RBM33: variants seen among roughly 807,000 people sequenced by gnomAD.
RBM33 encodes RNA-binding protein 33.
RBM33 carries 28 observed loss-of-function variants against 132.6 expected under a neutral mutation model. That is an observed-to-expected ratio of 0.21 (90% CI 0.16 to 0.29). The LOEUF is 0.29. Ranked by LOEUF, RBM33 falls within the 10% of genes least tolerant of loss-of-function variation. The pLI is 1.00. For missense variants in RBM33, 1,291 were observed against 1,518.5 expected (o/e 0.85, Z 2.49); for synonymous variants, 634 against 593.0 (o/e 1.07, Z -1.01).
intron 1 of RBM33, among the ~76,000 whole-genome samples, chr7:155,648,923 G>A (rs1398723283): frequency 4.6e-5 from 7 of 152,148 alleles, no homozygotes; most frequent in Middle Eastern, 3.2e-3. Context: ...CTCTCTTGGT[G>A]TATTCAAGAT....
chr7:155,763,905 A>G lies in RBM33; in HGVS notation c.3073A>G (p.Thr1025Ala), dbSNP rs2117068516. Residue 1025 changes from threonine to alanine, a missense_variant, in exon 15 of 18, where the codon ACG becomes GCG. By Grantham distance (58) the Thr-to-Ala change is moderately conservative (BLOSUM62 0). Coordinates refer to ENST00000401878, the MANE Select transcript of RBM33 (RefSeq NM_053043.3). ...GGGACCACAGCCTGCCCGCAAGGTG[A>G]CGCTGACCAGGGGGGGCCTCCAGCA... is the stretch of plus-strand genomic sequence containing the variant. Reference protein sequence around the residue: ...EVGPQPARKVTLTRGGLQQPP... With the variant: ...EVGPQPARKVALTRGGLQQPP... 1 of 1,609,616 alleles carries G rather than the reference A, an allele frequency of 6.2e-7. No individual in the cohort carries two copies. Among genetic ancestry groups the G allele is most frequent in the African/African-American group, 1.3e-5 (1 of 74,978 alleles).
chr7:155,767,858 G>A (rs4716552), intron 16 of RBM33, among the ~76,000 whole-genome samples: 50,354 of 152,126 alleles, frequency 0.33, 11,215 homozygotes, highest in African/African-American at 0.63. Context: ...GCAGGAACAC[G>A]GTAGACACTA....
rs1799431066 is a variant in RBM33 at position 155,684,915 on chromosome 7, C to T, written c.567+4007C>T. 8 of 1,545,606 alleles carry T rather than the reference C, an allele frequency of 5.2e-6. No individual in the cohort carries two copies. The East Asian group carries it at 1.2e-4, about 24-fold the overall frequency. ...AAGCTGTATGAGAAAAACTTGTTTT[C>T]TCTTTAATGGCTGTTAGGATGAAGA... On this transcript the variant is annotated intron_variant, in intron 5 of 17. Coordinates refer to ENST00000401878, the MANE Select transcript of RBM33 (RefSeq NM_053043.3).
chr7:155,738,622 G>GA, intron 11 of RBM33: 1 of 563,342 alleles, frequency 1.8e-6, no homozygotes, highest in South Asian at 2.4e-5. Context: ...TTTGGGAATT[G>GA]AAAAATGCTA....
intron 14 of RBM33, among the ~76,000 whole-genome samples, chr7:155,756,791 G>A (rs921831273): frequency 2.6e-5 from 4 of 152,132 alleles, no homozygotes; most frequent in African/African-American, 7.2e-5. Context: ...GGGCAGAAAC[G>A]TCACCAGCAG....
rs1799271318 is a variant in RBM33, at chr7:155,679,229, G to A, written c.248+545G>A. On this transcript the variant is annotated intron_variant, in intron 4 of 17. Transcript: ENST00000401878. ...AGGTCTTTCATTTAATGATCCCTGT[G>A]AGTTCTGTTCAGTGCAGGTTATGAA... Among the ~76,000 whole-genome samples, 2 of 152,110 alleles carry A rather than the reference G, an allele frequency of 1.3e-5. 1 individual carries two copies. Among genetic ancestry groups the A allele is most frequent in the South Asian group, 4.1e-4 (2 of 4,824 alleles).
In RBM33 at chr7:155,739,814, C is replaced by A; in HGVS notation, c.1837C>A (p.His613Asn). Residue 613 changes from histidine (H) to asparagine (N), a missense_variant, in exon 12 of 18, where the codon CAC becomes AAC. By Grantham distance (68) the His-to-Asn change is moderately conservative. Transcript: ENST00000401878. ...GCACCAGCCTCCGCACCAGCCCCCG[C>A]ACCAGCCCCCGCCCCAGCACCAGCC... The part of the protein sequence containing the change: ...PQHQPPHQPP[H>N]QPPPQHQPPP... 1 of 1,273,712 alleles carries A rather than the reference C, an allele frequency of 7.9e-7. No individual in the cohort carries two copies. The highest frequency in any genetic ancestry group is 1.1e-6 in the Non-Finnish European group (1 of 918,320). 78.9% of individuals were successfully genotyped at this position (1,273,712 alleles called of 1,614,324 possible).
chr7:155,716,332 T>TTTTTTTTTTTTTTTTTTTTTA (rs1554477955), intron 8 of RBM33, among the ~76,000 whole-genome samples: 1 of 149,938 alleles, frequency 6.7e-6, no homozygotes, highest in Non-Finnish European at 1.5e-5. Flanking sequence ...TTTTTTTTTT[T>TTTTTTTTTTTTTTTTTTTTTA]AAATAGGGAA....
intron 14 of RBM33, among the ~76,000 whole-genome samples, chr7:155,753,725 C>G (rs933335030): frequency 6.6e-6 from 1 of 152,170 alleles, no homozygotes; most frequent in East Asian, 1.9e-4. Context: ...GAGGTGGGGG[C>G]CACGAGAGAT....
In RBM33 at chr7:155,705,593, G is replaced by A. The variant is rs779157528; in HGVS notation, c.740-1267G>A. Among the ~76,000 whole-genome samples, 15 of 152,338 alleles carry A rather than the reference G, an allele frequency of 9.8e-5. No homozygotes were observed. In the Middle Eastern group the frequency reaches 0.01, roughly 104 times the overall value. ...GGTAGACTCTGGTAATATTGAAAGC[G>A]TACCCTTGGCTGGGGAAGAAGGCAG... On this transcript the variant is annotated intron_variant, in intron 6 of 17. Coordinates refer to ENST00000401878, the MANE Select transcript of RBM33 (RefSeq NM_053043.3).
chr7:155,758,059 G>T lies in RBM33; in HGVS notation c.2980-5753G>T, dbSNP rs148402926. ...GGGGATACATTTCAACAGAAGATTT[G>T]GGGAGGGACAAAATACCAAAACTCC... is the stretch of plus-strand genomic sequence containing the variant. On this transcript the variant is annotated intron_variant, in intron 14 of 17. Coordinates refer to ENST00000401878, the MANE Select transcript of RBM33 (RefSeq NM_053043.3). Among the ~76,000 whole-genome samples the T allele has an allele frequency of 9.2e-3, 1,399 of 152,266 alleles. 15 individuals are homozygous for T. Among genetic ancestry groups the T allele is most frequent in the African/African-American group, 0.032 (1,316 of 41,536 alleles).
chr7:155,716,316 G>GTGTTT (rs550734927), intron 8 of RBM33, among the ~76,000 whole-genome samples: 1 of 102,384 alleles, frequency 9.8e-6, no homozygotes, highest in African/African-American at 3.9e-5. Flanking sequence ...CTTTTCTGCT[G>GTGTTT]TTTTTTTTTT....
Position 155,774,173 on chromosome 7 carries a change from T to G in RBM33, c.3376-386T>G, listed in dbSNP as rs1802529860. Among the ~76,000 whole-genome samples the G allele has an allele frequency of 6.6e-6, 1 of 152,200 alleles. No individual in the cohort carries two copies. Among genetic ancestry groups the G allele is most frequent in the Admixed American group, 6.5e-5 (1 of 15,290 alleles). ...CCTCTGGTGTGATGAGTCCTGTTCT[T>G]AAAAAATTCATGGGGGTCCCTATTA... is the stretch of plus-strand genomic sequence containing the variant. On this transcript the variant is annotated intron_variant, in intron 16 of 17. Coordinates refer to ENST00000401878, the MANE Select transcript of RBM33 (RefSeq NM_053043.3). The surrounding 1 kb of genome is among the most constrained non-coding windows in gnomAD (Gnocchi z 4.2).
chr7:155,707,900 T>A (rs904926814), intron 7 of RBM33, among the ~76,000 whole-genome samples: 1 of 152,212 alleles, frequency 6.6e-6, no homozygotes, highest in African/African-American at 2.4e-5. Flanking sequence ...CCTCAAGTGA[T>A]CCATCTGCCT....
intron 3 of RBM33, 28 bp from the exon 4 acceptor site, chr7:155,678,580 C>A: frequency 1.5e-6 from 2 of 1,316,112 alleles, no homozygotes; most frequent in Non-Finnish European, 2.1e-6. Context: ...AAGTGACACA[C>A]ATTAATTATA....
chr7:155,665,083 G>T, intron 1 of RBM33, 92 bp from the exon 2 acceptor site: 1 of 977,918 alleles, frequency 1.0e-6, no homozygotes, highest in Non-Finnish European at 1.6e-6. Flanking sequence ...GTCAAGTCAG[G>T]AATCCTTAAA....
chr7:155,745,250 T>C lies in RBM33; in HGVS notation c.2627T>C (p.Val876Ala), dbSNP rs555643783. 17 of 1,612,786 alleles carry C rather than the reference T, an allele frequency of 1.1e-5. No individual in the cohort carries two copies. The East Asian group carries it at 3.8e-4, about 36-fold the overall frequency. ...CAAAATGTGAAGAACAGACTTCTTGTTAAAAACCAGGATGTCAGTATTTCA... is the reference window on the plus strand; with the variant it reads ...CAAAATGTGAAGAACAGACTTCTTGCTAAAAACCAGGATGTCAGTATTTCA... The part of the protein sequence containing the change: ...VRQNVKNRLL[V>A]KNQDVSISNV... Residue 876 changes from valine (V) to alanine (A), a missense_variant, in exon 14 of 18, where the codon GTT becomes GCT. Val to Ala is a moderately conservative substitution (Grantham distance 64). Coordinates refer to ENST00000401878, the MANE Select transcript of RBM33 (RefSeq NM_053043.3). This position sits in a 1 kb window ranked among gnomAD's most constrained non-coding sequence, Gnocchi z 4.1.
intron 6 of RBM33, among the ~76,000 whole-genome samples, chr7:155,705,255 A>G (rs1054561470): frequency 2.6e-5 from 4 of 152,190 alleles, no homozygotes; most frequent in Non-Finnish European, 5.9e-5. Context: ...CAATTGGAGG[A>G]AAGCATTTTT....
chr7:155,717,328 C>A (rs540255348), intron 8 of RBM33, among the ~76,000 whole-genome samples: 4 of 152,208 alleles, frequency 2.6e-5, no homozygotes, highest in Non-Finnish European at 5.9e-5. Flanking sequence ...CGTTGGCCAC[C>A]TTCTCCTTGT....
Sources: allele counts gnomAD v4.1 joint callset (sites outside exome capture counted in the v4.1 genomes callset), GRCh38; gene constraint gnomAD v4.1.1; non-coding constraint Gnocchi (gnomAD v3.1); transcripts MANE v1.5; gene names NCBI Gene and HGNC (gene_info 2026-07-23, HGNC 2026-07-21).